The following PTPRD variants were observed in gnomAD, a reference collection of about 807,000 sequenced individuals.
The protein encoded by PTPRD is protein tyrosine phosphatase receptor type D, also known as receptor-type tyrosine-protein phosphatase delta.
A neutral mutation model predicts 214.5 loss-of-function variants in PTPRD; 34 were observed. The ratio of observed to expected loss-of-function variants is 0.16; its 90% CI spans 0.12 to 0.21. PTPRD has a LOEUF of 0.21. Among genes scored for constraint, PTPRD ranks in the 10% least tolerant of loss-of-function variants. The pLI is 1.00. For missense variants in PTPRD, 2,545 were observed against 2,398.7 expected, an observed-to-expected ratio of 1.06 and a Z score of -1.27; for synonymous variants, 1,128 against 845.7, an observed-to-expected ratio of 1.33 and a Z score of -5.79.
At chr9:9,395,120 C>T (rs536103847) in intron 9 of PTPRD, among the ~76,000 whole-genome samples, 4 of 151,834 alleles carry the variant, frequency 2.6e-5, no homozygotes, top group Non-Finnish European at 5.9e-5. Flanking sequence ...CCTTTCCCTT[C>T]CTCCCCTCAT....
chr9:8,849,245 A>G (rs1776200649), intron 11 of PTPRD, among the ~76,000 whole-genome samples: 1 of 138,116 alleles, frequency 7.2e-6, no homozygotes, highest in South Asian at 2.2e-4. Context: ...GTGTAATCTC[A>G]GTTCACTGCA....
At chr9:9,140,650 C>T (rs2154480625) in intron 10 of PTPRD, among the ~76,000 whole-genome samples, 1 of 152,360 alleles carries the variant, frequency 6.6e-6, no homozygotes, top group Non-Finnish European at 1.5e-5. Context: ...GCGATCTCGG[C>T]TCACTGCAGG....
intron 10 of PTPRD, among the ~76,000 whole-genome samples, chr9:9,127,446 G>T (rs1366011730): frequency 1.3e-5 from 2 of 152,176 alleles, no homozygotes; most frequent in Non-Finnish European, 2.9e-5. Context: ...AATATACTGG[G>T]AAGCTATAAC....
intron 2 of PTPRD, among the ~76,000 whole-genome samples, chr9:10,463,890 A>T (rs183903583): frequency 5.5e-4 from 84 of 152,296 alleles, no homozygotes; most frequent in South Asian, 1.0e-3. Flanking sequence ...CCATCAAAAT[A>T]CCCCTTTTAT....
intron 3 of PTPRD, among the ~76,000 whole-genome samples, chr9:10,340,088 CTAAT>C (rs1181911491): frequency 6.6e-6 from 1 of 151,836 alleles, no homozygotes; most frequent in African/African-American, 2.4e-5. Context: ...CAAAAAAATG[CTAAT>C]TACTTGTTCA....
At chr9:8,380,151 T>C (rs1007607437) in intron 37 of PTPRD, among the ~76,000 whole-genome samples, 19 of 152,292 alleles carry the variant, frequency 1.2e-4, no homozygotes, top group Admixed American at 1.2e-3. Flanking sequence ...AACATGTTAT[T>C]AATTTCAGCA....
chr9:9,746,286 G>C lies in PTPRD; in HGVS notation c.-325-11715C>G, dbSNP rs375893919. On this transcript the variant is annotated intron_variant, in intron 6 of 45. Coordinates refer to ENST00000381196, the MANE Select transcript of PTPRD (RefSeq NM_002839.4). ...TTTAGAAGGGTTTCAGAAAAAAAGA[G>C]AAGAGGTTTTAATCATTACTAGATT... Among the ~76,000 whole-genome samples the C allele has an allele frequency of 7.9e-5, 12 of 152,210 alleles. 1 individual carries two copies. The South Asian group carries it at 2.5e-3, about 32-fold the overall frequency.
chr9:8,882,569 C>A (rs2098455234), intron 11 of PTPRD, among the ~76,000 whole-genome samples: 1 of 152,020 alleles, frequency 6.6e-6, no homozygotes, highest in South Asian at 2.1e-4. Flanking sequence ...CAACAGAAAC[C>A]AAACTGAGGG....
intron 5 of PTPRD, among the ~76,000 whole-genome samples, chr9:9,803,216 C>T (rs1387298062): frequency 1.3e-4 from 20 of 150,404 alleles, no homozygotes; most frequent in African/African-American, 3.4e-4. Context: ...ACTAATGTTA[C>T]TTTCACCTTC....
chr9:9,639,554 T>G (rs984115064), intron 7 of PTPRD, among the ~76,000 whole-genome samples: 16 of 152,350 alleles, frequency 1.1e-4, no homozygotes, highest in African/African-American at 3.8e-4. Context: ...TCAGCTATTC[T>G]CTTGCCAGGT....
intron 8 of PTPRD, among the ~76,000 whole-genome samples, chr9:9,466,320 G>A (rs940362693): frequency 6.6e-6 from 1 of 152,022 alleles, no homozygotes; most frequent in East Asian, 1.9e-4. Context: ...AAATAAGTAA[G>A]TAAATAATAA....
chr9:8,341,043 A>T, intron 41 of PTPRD, 47 bp downstream of exon 41: 1 of 1,503,300 alleles, frequency 6.7e-7, no homozygotes, highest in South Asian at 1.4e-5. Flanking sequence ...ACTAGGGCAC[A>T]TGTAAATATC....
chr9:9,129,997 C>T lies in PTPRD; in HGVS notation c.-143+53307G>A, dbSNP rs146641613. Among the ~76,000 whole-genome samples the T allele has an allele frequency of 5.0e-3, 767 of 152,204 alleles. 5 individuals carry two copies. Among genetic ancestry groups the T allele is most frequent in the African/African-American group, 0.017 (714 of 41,536 alleles). On this transcript the variant is annotated intron_variant, in intron 10 of 45. Transcript: ENST00000381196. ...AGGGTATGAGTTAAGATATATTAAG[C>T]ACTTAAGAGTGCCTGACATATAATA... is the stretch of plus-strand genomic sequence containing the variant.
intron 3 of PTPRD, among the ~76,000 whole-genome samples, chr9:10,037,077 G>A (rs2097198156): frequency 6.6e-6 from 1 of 151,754 alleles, no homozygotes; most frequent in African/African-American, 2.4e-5. Context: ...GTTTTGAAGA[G>A]ACAGAGATTC....
At chr9:9,481,305 C>T (rs749214923) in intron 8 of PTPRD, among the ~76,000 whole-genome samples, 1 of 152,180 alleles carries the variant, frequency 6.6e-6, no homozygotes, top group Admixed American at 6.6e-5. Context: ...GACTCACAAT[C>T]ATCACTGTGT....
chr9:9,561,608 G>A (rs1269831326), intron 8 of PTPRD, among the ~76,000 whole-genome samples: 1 of 152,116 alleles, frequency 6.6e-6, no homozygotes, highest in Admixed American at 6.6e-5. Flanking sequence ...CAGAACTACA[G>A]TTAGAAATGT....
chr9:9,086,218 T>C (rs976310063), intron 10 of PTPRD, among the ~76,000 whole-genome samples: 4 of 152,326 alleles, frequency 2.6e-5, no homozygotes, highest in South Asian at 2.1e-4. Context: ...TCTATGGGTA[T>C]AGAATACTGA....
intron 9 of PTPRD, among the ~76,000 whole-genome samples, chr9:9,234,317 A>G (rs924378292): frequency 5.3e-5 from 8 of 152,158 alleles, no homozygotes; most frequent in African/African-American, 9.6e-5. Flanking sequence ...GGCACAGGGC[A>G]CCATGTCCTG....
intron 11 of PTPRD, among the ~76,000 whole-genome samples, chr9:8,777,245 G>A (rs1053631299): frequency 6.6e-6 from 1 of 151,966 alleles, no homozygotes; most frequent in African/African-American, 2.4e-5. Context: ...CTCCCAAAGA[G>A]TAAATTATCA....
Sources: allele counts gnomAD v4.1 joint callset (sites outside exome capture counted in the v4.1 genomes callset), GRCh38; gene constraint gnomAD v4.1.1; transcripts MANE v1.5; gene names NCBI Gene and HGNC (gene_info 2026-07-23, HGNC 2026-07-21).